CPT1A: variants seen among roughly 807,000 people sequenced by gnomAD.
CPT1A encodes the protein carnitine O-palmitoyltransferase 1, liver isoform.
Under a neutral mutation model 100.8 loss-of-function variants are expected in CPT1A, and 64 were observed. The ratio of observed to expected loss-of-function variants is 0.63; its 90% confidence interval spans 0.52 to 0.78. CPT1A has a LOEUF of 0.78. Among genes scored for constraint, CPT1A ranks in the 30% least tolerant of loss-of-function variants. The probability of loss-of-function intolerance (pLI) is 0.00; values close to 1 mark genes in which losing one functional copy is unlikely to be tolerated. For missense variants in CPT1A, 802 were observed against 1,034.1 expected (o/e 0.78, Z 3.08); for synonymous variants, 363 against 396.0 (o/e 0.92, Z 0.99).
At chr11:68,798,715 C>T (rs1182654833) in intron 6 of CPT1A, among the ~76,000 whole-genome samples, 2 of 152,110 alleles carry the variant, frequency 1.3e-5, no homozygotes, top group African/African-American at 4.8e-5. Flanking sequence ...TCAAGATAAA[C>T]CAAAGAGGAG....
chr11:68,808,922 A>G (rs1206162921), intron 3 of CPT1A, among the ~76,000 whole-genome samples: 1 of 151,172 alleles, frequency 6.6e-6, no homozygotes, highest in Non-Finnish European at 1.5e-5. Context: ...CCTGGACAAC[A>G]TGGCAAAACC....
chr11:68,794,857 T>C lies in CPT1A; in HGVS notation c.826A>G (p.Ile276Val), dbSNP rs1252945800. 2 of 1,614,148 alleles carry C rather than the reference T, an allele frequency of 1.2e-6. No individual in the cohort carries two copies. Among genetic ancestry groups the C allele is most frequent in the Non-Finnish European group, 1.7e-6 (2 of 1,180,056 alleles). The change falls in exon 8 of 19, where the codon ATC becomes GTC. Residue 276 changes from isoleucine (I) to valine (V), a missense_variant. Physicochemically the swap from Ile to Val is conservative, Grantham distance 29. Coordinates refer to ENST00000265641, the MANE Select transcript of CPT1A (RefSeq NM_001876.4). ...HIQAARAGNA[I>V]HAILLYRRKL... ...CGCCTGTAAAGCAGGATGGCATGGATGGCGTTGCCGGCTCTTGCTGCCTGA... is the reference window on the plus strand; with the variant it reads ...CGCCTGTAAAGCAGGATGGCATGGACGGCGTTGCCGGCTCTTGCTGCCTGA...
rs118039047 is a variant in CPT1A at position 68,770,110 on chromosome 11, G to A, written c.1740+3155C>T. 9.3e-3 allele frequency among the ~76,000 whole-genome samples: 1,409 copies of A among 151,596 alleles called. 17 individuals are homozygous for A. Among genetic ancestry groups the A allele is most frequent in the Middle Eastern group, 0.028 (8 of 288 alleles). The stretch of plus-strand genomic sequence containing the variant: ...GGAACATCCCTTCCTCTATGGTTCT[G>A]AAGTTTTTTTTCATCCAAAATCATG... On this transcript the variant is annotated intron_variant, in intron 14 of 18. Coordinates refer to ENST00000265641, the MANE Select transcript of CPT1A (RefSeq NM_001876.4).
chr11:68,816,861 TGTG>T (rs1353871494), intron 1 of CPT1A, among the ~76,000 whole-genome samples: 1 of 133,552 alleles, frequency 7.5e-6, no homozygotes, highest in Non-Finnish European at 1.6e-5. Flanking sequence ...GTGTGGTGTG[TGTG>T]TGTGGTGTAC....
intron 18 of CPT1A, among the ~76,000 whole-genome samples, chr11:68,758,283 C>T (rs1946732012): frequency 6.6e-6 from 1 of 152,046 alleles, no homozygotes; most frequent in African/African-American, 2.4e-5. Context: ...AACAAACAAA[C>T]AAACAACAAA....
chr11:68,785,188 A>C (rs1428830341), intron 9 of CPT1A, among the ~76,000 whole-genome samples, 178 bp from the exon 10 acceptor site: 1 of 152,132 alleles, frequency 6.6e-6, no homozygotes, highest in Non-Finnish European at 1.5e-5. Context: ...TTGGAGTTAA[A>C]GCTCTGGATC....
chr11:68,819,916 C>T (rs1019117238), intron 1 of CPT1A, among the ~76,000 whole-genome samples: 7 of 152,212 alleles, frequency 4.6e-5, no homozygotes, highest in African/African-American at 1.7e-4. Context: ...GTAATGAGCG[C>T]AAATCCCACC....
chr11:68,824,117 A>G (rs751555701), intron 1 of CPT1A, among the ~76,000 whole-genome samples: 4 of 150,968 alleles, frequency 2.6e-5, no homozygotes, highest in Admixed American at 1.3e-4. Flanking sequence ...GCGCGGTGGC[A>G]GACGCCTGTA....
Position 68,773,245 on chromosome 11 carries a change from C to A in CPT1A, c.1740+20G>T, listed in dbSNP as rs1458873897. On this transcript the variant is annotated intron_variant, in intron 14 of 18. Coordinates refer to ENST00000265641, the MANE Select transcript of CPT1A (RefSeq NM_001876.4). ...ACCCCCAAAGTGCTCACGACAAAAC[C>A]CTAGGCGGTCAGTTCTTACCTTGTA... 6.2e-7 allele frequency: 1 copy of A among 1,613,478 alleles called. No individual in the cohort carries two copies. Among genetic ancestry groups the A allele is most frequent in the African/African-American group, 1.3e-5 (1 of 75,028 alleles).
intron 3 of CPT1A, 133 bp from the exon 4 acceptor site, chr11:68,807,771 A>AG: frequency 1.2e-6 from 1 of 826,856 alleles, no homozygotes; most frequent in East Asian, 2.7e-5. Flanking sequence ...GGAAAGTCAG[A>AG]GGGAGAGCAC....
At chr11:68,784,303 G>T (rs928409545) in intron 10 of CPT1A, among the ~76,000 whole-genome samples, 1 of 152,208 alleles carries the variant, frequency 6.6e-6, no homozygotes, top group Non-Finnish European at 1.5e-5. Context: ...GTTCATGCCT[G>T]TAATCCCAGA....
intron 16 of CPT1A, among the ~76,000 whole-genome samples, chr11:68,760,552 G>C (rs533611463): frequency 1.3e-5 from 2 of 152,148 alleles, no homozygotes; most frequent in African/African-American, 2.4e-5. Flanking sequence ...AGTGCAGGGT[G>C]GGGGTGGGGG....
rs544892999 is a variant in CPT1A, at chr11:68,762,673, G to C, written c.1829C>G (p.Thr610Ser). The stretch of plus-strand genomic sequence containing the variant: ...GGCCCGCACGAAGTCGCATGACTCA[G>C]TGGTGCAGGAGCGCACGGTCTCCGT... ...GRTETVRSCT[T>S]ESCDFVRAMV... Residue 610 changes from threonine to serine, a missense_variant, in exon 15 of 19, where the codon ACT (threonine) becomes AGT (serine). Coordinates refer to ENST00000265641, the MANE Select transcript of CPT1A (RefSeq NM_001876.4). 6.2e-7 allele frequency: 1 copy of C among 1,613,894 alleles called. No homozygotes were observed. The highest frequency in any genetic ancestry group is 1.3e-5 in the African/African-American group (1 of 74,942).
intron 1 of CPT1A, among the ~76,000 whole-genome samples, chr11:68,834,987 A>G (rs1297291445): frequency 8.5e-6 from 1 of 117,182 alleles, no homozygotes; most frequent in Non-Finnish European, 1.7e-5. Flanking sequence ...CGATAGGGCG[A>G]GACTCCATCT....
At position 68,755,241 on chromosome 11, in the gene CPT1A, AGTGTAACACAGATTGCTCAGTGGTC is replaced by A; in HGVS notation, c.*2378_*2402del. 4.7e-6 allele frequency: 1 copy of A among 210,790 alleles called. No homozygotes were observed. Among genetic ancestry groups the A allele is most frequent in the Non-Finnish European group, 9.9e-6 (1 of 101,022 alleles). The allele number at this position is 210,790 out of a possible 1,614,324, so 13.1% of individuals were successfully genotyped here. ...ACACTCAAAATGCCCTGTGAACTCTAGTGTAACACAGATTGCTCAGTGGTCAACAGTGCATGATCTAGCTGGCTCT... is the reference window on the plus strand; with the variant it reads ...ACACTCAAAATGCCCTGTGAACTCTAAACAGTGCATGATCTAGCTGGCTCT... On this transcript the variant is annotated 3_prime_UTR_variant, in exon 19 of 19. Transcript: ENST00000265641.
chr11:68,836,909 C>T (rs547344230), intron 1 of CPT1A, among the ~76,000 whole-genome samples: 1 of 151,846 alleles, frequency 6.6e-6, no homozygotes, highest in Non-Finnish European at 1.5e-5. Flanking sequence ...GAAAGCAAAC[C>T]TCCATGTATT....
intron 1 of CPT1A, among the ~76,000 whole-genome samples, chr11:68,819,271 G>A (rs1179020509): frequency 6.6e-6 from 1 of 152,072 alleles, no homozygotes; most frequent in Non-Finnish European, 1.5e-5. Context: ...GTGGAGACAG[G>A]GTTTCACCAT....
At position 68,815,801 on chromosome 11, in the gene CPT1A, T is replaced by C. The variant is rs373721192; in HGVS notation, c.-13-314A>G. On this transcript the variant is annotated intron_variant, in intron 1 of 18. Coordinates refer to ENST00000265641, the MANE Select transcript of CPT1A (RefSeq NM_001876.4). Reference sequence around the variant, plus strand: ...AGCCAGCATCCAGGCCCGTGGTACCTCAACTCTGGCCCTGGACGTCCCCCA... The same window carrying C: ...AGCCAGCATCCAGGCCCGTGGTACCCCAACTCTGGCCCTGGACGTCCCCCA... Among the ~76,000 whole-genome samples the C allele has an allele frequency of 4.8e-3, 306 of 63,680 alleles. 1 individual carries two copies. The highest frequency in any genetic ancestry group is 0.021 in the Middle Eastern group (2 of 96). The allele number at this position is 63,680 out of a possible 152,430, so 41.8% of individuals were successfully genotyped here. A position where few individuals can be genotyped will look rare whatever the true frequency, so the allele number is the denominator to read the frequency against.
At chr11:68,817,393 AC>A (rs969633973) in intron 1 of CPT1A, among the ~76,000 whole-genome samples, 33 of 152,198 alleles carry the variant, frequency 2.2e-4, no homozygotes, top group African/African-American at 7.9e-4. Context: ...TGTCCATATT[AC>A]AAATATTTGT....
Sources: gnomAD v4.1 joint callset for allele counts (sites outside exome capture counted in the v4.1 genomes callset) on GRCh38, gnomAD v4.1.1 for gene constraint, MANE v1.5 for transcripts, NCBI Gene and HGNC (gene_info 2026-07-23, HGNC 2026-07-21) for gene names.